Variants in DLEC1 observed in about 807,000 individuals in gnomAD.
DLEC1 encodes the protein DLEC1 cilia and flagella associated protein, also known as deleted in lung and esophageal cancer protein 1.
In DLEC1, 146 loss-of-function variants were observed where a neutral mutation model predicts 198.1. The observed-to-expected ratio is 0.74, with a 90% confidence interval of 0.64 to 0.85. The LOEUF (loss-of-function observed/expected upper bound fraction) is 0.85, where lower values mean the gene tolerates loss of function less well. Among genes scored for constraint, DLEC1 ranks in the 40% least tolerant of loss-of-function variants. DLEC1 has a pLI of 0.00. For synonymous variants in DLEC1, 897 were observed against 866.8 expected, an observed-to-expected ratio of 1.03 and a Z score of -0.61; for missense variants, 2,233 against 2,220.0, an observed-to-expected ratio of 1.01 and a Z score of -0.12.
chr3:38,077,488 G>T (rs962184505), intron 6 of DLEC1, among the ~76,000 whole-genome samples: 1 of 152,208 alleles, frequency 6.6e-6, no homozygotes, highest in African/African-American at 2.4e-5. Context: ...GCTTGGTGAG[G>T]TTTGTTTTTA....
chr3:38,058,784 G>A (rs993625059), intron 2 of DLEC1, among the ~76,000 whole-genome samples: 1 of 152,022 alleles, frequency 6.6e-6, no homozygotes, highest in Admixed American at 6.6e-5. Context: ...TCTCTCTAGT[G>A]GGGGACGTTG....
At chr3:38,060,840 G>A (rs779719486) in intron 3 of DLEC1, among the ~76,000 whole-genome samples, 5 of 151,898 alleles carry the variant, frequency 3.3e-5, no homozygotes, top group Admixed American at 6.6e-5. Context: ...GATTACAGGC[G>A]TGTGCCACCA....
intron 1 of DLEC1, among the ~76,000 whole-genome samples, chr3:38,043,143 G>A (rs1244937985): frequency 6.6e-6 from 1 of 152,188 alleles, no homozygotes; most frequent in Non-Finnish European, 1.5e-5. Flanking sequence ...TACACCCTGG[G>A]TTCAAGTCCT....
chr3:38,041,282 A>T (rs148526477), intron 1 of DLEC1, among the ~76,000 whole-genome samples: 2 of 151,808 alleles, frequency 1.3e-5, no homozygotes, highest in Non-Finnish European at 2.9e-5. Flanking sequence ...GATTACAGGC[A>T]TGAGCCACCA....
In DLEC1 at chr3:38,039,485, T is replaced by C. The variant is rs774105056; in HGVS notation, c.260T>C (p.Leu87Pro). 1.9e-6 allele frequency: 3 copies of C among 1,614,058 alleles called. No individual in the cohort carries two copies. In the South Asian group the frequency reaches 3.3e-5, roughly 18 times the overall value. Residue 87 changes from leucine to proline, a missense_variant, in exon 1 of 37, where the codon CTG becomes CCG. By Grantham distance (98) the Leu-to-Pro change is moderately conservative. Coordinates refer to ENST00000308059, the MANE Select transcript of DLEC1 (RefSeq NM_007335.4). ...CTGCTTCGTCTGCGCCCCTCCTCGC[T>C]GCGCACCCAAGATATCTCGCACTTG... ...PQLLRLRPSS[L>P]RTQDISHLLT... is the part of the protein sequence containing the mutation.
At chr3:38,117,740 T>G in intron 32 of DLEC1, 66 bp from the exon 33 acceptor site, 25 of 878,626 alleles carry the variant, frequency 2.8e-5, no homozygotes, top group Non-Finnish European at 4.0e-5. Flanking sequence ...AGCCCTACCC[T>G]AGAGCCATGG....
intron 34 of DLEC1, among the ~76,000 whole-genome samples, chr3:38,121,391 G>GAGTT (rs1188489927): frequency 2.6e-5 from 4 of 152,220 alleles, no homozygotes; most frequent in Non-Finnish European, 2.9e-5. Context: ...GAAGCTTTAT[G>GAGTT]AGTTAGGGAG....
intron 23 of DLEC1, among the ~76,000 whole-genome samples, chr3:38,110,849 CACAT>C (rs1699835628): frequency 6.6e-6 from 1 of 152,112 alleles, no homozygotes; most frequent in African/African-American, 2.4e-5. Context: ...CACACATACA[CACAT>C]GCATATACAC....
chr3:38,085,395 C>G lies in DLEC1; in HGVS notation c.1383C>G (p.Ala461=). The G allele has an allele frequency of 6.2e-7, 1 of 1,614,082 alleles. No individual in the cohort carries two copies. Among genetic ancestry groups the G allele is most frequent in the Non-Finnish European group, 8.5e-7 (1 of 1,180,000 alleles). The change falls in exon 8 of 37, where the codon GCC becomes GCG. Residue 461 remains alanine, a synonymous_variant. Transcript: ENST00000308059. ...TTATTTTAGTGGAGACCCAGTCAGC[C>G]CACACACTTCTGATCCCCCTGCAGG... The part of the protein sequence containing the change: ...DDFILVETQS[A]HTLLIPLQAR...
At chr3:38,064,006 T>TC (rs1696848158) in intron 6 of DLEC1, 87 bp downstream of exon 6, 3 of 812,952 alleles carry the variant, frequency 3.7e-6, no homozygotes, top group Non-Finnish European at 5.5e-6. Flanking sequence ...CTTTTTTTTT[T>TC]CTTTTTTTTT....
At chr3:38,114,237 A>T in intron 25 of DLEC1, 105 bp from the exon 26 acceptor site, 2 of 1,069,638 alleles carry the variant, frequency 1.9e-6, no homozygotes, top group African/African-American at 3.1e-5. Context: ...GGCTGGGACC[A>T]AACTGTGGGG....
intron 1 of DLEC1, among the ~76,000 whole-genome samples, chr3:38,042,578 CAG>C (rs1391895691): frequency 2.9e-5 from 3 of 104,540 alleles, no homozygotes; most frequent in Non-Finnish European, 5.4e-5. Flanking sequence ...TTTTTTGAGA[CAG>C]AGTCTTGCAC....
At position 38,117,246 on chromosome 3, in the gene DLEC1, G is replaced by A. The variant is rs1700225351; in HGVS notation, c.4344G>A (p.Gln1448=). The stretch of plus-strand genomic sequence containing the variant: ...TTCCAGGGAAGAGGCATCGCCTGCA[G>A]GACTTTGCGGTGGGACCCCTGAAAC... ...REIPGKRHRL[Q]DFAVGPLKLD... is the part of the protein sequence containing the mutation. The change falls in exon 31 of 37, where the codon CAG becomes CAA. Residue 1448 remains glutamine (Q), a synonymous_variant. Transcript: ENST00000308059. 1.2e-6 allele frequency: 2 copies of A among 1,614,144 alleles called. No individual in the cohort carries two copies. Among genetic ancestry groups the A allele is most frequent in the East Asian group, 4.5e-5 (2 of 44,874 alleles).
intron 10 of DLEC1, among the ~76,000 whole-genome samples, chr3:38,091,977 A>G (rs970605464): frequency 2.0e-5 from 3 of 152,354 alleles, no homozygotes; most frequent in South Asian, 4.1e-4. Flanking sequence ...GAACTACCAT[A>G]TGATTCAGCA....
chr3:38,078,594 G>A (rs1217549824), intron 6 of DLEC1, among the ~76,000 whole-genome samples: 1 of 152,162 alleles, frequency 6.6e-6, no homozygotes, highest in African/African-American at 2.4e-5. Context: ...TAACAGATGA[G>A]GACGAAATTT....
Position 38,094,929 on chromosome 3 carries a change from C to T in DLEC1, c.1970C>T (p.Pro657Leu). 6.2e-7 allele frequency: 1 copy of T among 1,614,178 alleles called. No individual in the cohort carries two copies. Among genetic ancestry groups the T allele is most frequent in the Non-Finnish European group, 8.5e-7 (1 of 1,180,034 alleles). The change falls in exon 13 of 37, where the codon CCC becomes CTC. Residue 657 changes from proline (P) to leucine (L), a missense_variant. By Grantham distance (98) the Pro-to-Leu change is moderately conservative (BLOSUM62 -3). Coordinates refer to ENST00000308059, the MANE Select transcript of DLEC1 (RefSeq NM_007335.4). ...YWQIMKPNLQ[P>L]LMPGETFSMD... ...CAGATCATGAAGCCCAACCTGCAGC[C>T]CCTCATGCCTGGAGAAACCTTCAGC...
Position 38,109,487 on chromosome 3 carries a change from T to C in DLEC1, c.3185T>C (p.Leu1062Pro), listed in dbSNP as rs1404938320. ...PCHVSGMKKP[L>P]VLGISGKPQG... is the part of the protein sequence containing the mutation. ...CACGTGTCAGGCATGAAGAAGCCAC[T>C]GGTTCTAGGCATTTCTGGGAAGCCC... is the stretch of plus-strand genomic sequence containing the variant. The change falls in exon 22 of 37, where the codon CTG (leucine) becomes CCG (proline). Residue 1062 changes from leucine (L) to proline (P), a missense_variant. Transcript: ENST00000308059. The C allele has an allele frequency of 6.2e-7, 1 of 1,614,104 alleles. No individual in the cohort carries two copies. The highest frequency in any genetic ancestry group is 8.5e-7 in the Non-Finnish European group (1 of 1,180,030).
intron 6 of DLEC1, among the ~76,000 whole-genome samples, chr3:38,065,054 G>T (rs1419812463): frequency 1.3e-5 from 2 of 152,246 alleles, no homozygotes; most frequent in African/African-American, 4.8e-5. Context: ...GCAACATTGA[G>T]CACTGAGTGA....
At chr3:38,090,506 AATT>A in intron 10 of DLEC1, among the ~76,000 whole-genome samples, 1 of 152,302 alleles carries the variant, frequency 6.6e-6, no homozygotes, top group Non-Finnish European at 1.5e-5. Flanking sequence ...AATGGACCAT[AATT>A]TAGTTCAGCA....
Sources: allele counts gnomAD v4.1 joint callset (sites outside exome capture counted in the v4.1 genomes callset), GRCh38; gene constraint gnomAD v4.1.1; transcripts MANE v1.5; gene names NCBI Gene and HGNC (gene_info 2026-07-23, HGNC 2026-07-21).